Variants in SLC37A1 observed in about 807,000 individuals in gnomAD.
SLC37A1 encodes the protein solute carrier family 37 member 1.
SLC37A1 carries 49 observed loss-of-function variants against 75.3 expected under a neutral mutation model. The observed-to-expected ratio is 0.65, with a 90% confidence interval of 0.52 to 0.83. The LOEUF (loss-of-function observed/expected upper bound fraction) is 0.83. SLC37A1 is among the 40% of genes least tolerant of loss of function. The probability of loss-of-function intolerance (pLI) is 0.00; values close to 1 mark genes in which losing one functional copy is unlikely to be tolerated. For synonymous variants in SLC37A1, 268 were observed against 292.1 expected (o/e 0.92, Z 0.84); for missense variants, 566 against 695.0 (o/e 0.81, Z 2.09).
At chr21:42,563,977 T>C (rs2055903091) in intron 13 of SLC37A1, 100 bp downstream of exon 13, 1 of 1,375,602 alleles carries the variant, frequency 7.3e-7, no homozygotes, top group Admixed American at 1.9e-5. Context: ...CCCCAAGGTC[T>C]CATATCCCCT....
chr21:42,567,879 TCCC>T (rs2056020014), intron 16 of SLC37A1, among the ~76,000 whole-genome samples: 1 of 152,150 alleles, frequency 6.6e-6, no homozygotes, highest in South Asian at 2.1e-4. Flanking sequence ...TCTCCCCTCC[TCCC>T]TTCTTCCCCT....
chr21:42,534,440 T>A (rs546247155), intron 3 of SLC37A1, among the ~76,000 whole-genome samples: 1 of 152,182 alleles, frequency 6.6e-6, no homozygotes, highest in East Asian at 1.9e-4. Context: ...TCTGGTGGCA[T>A]ATGAAGATGG....
chr21:42,534,700 T>C lies in SLC37A1; in HGVS notation c.141T>C (p.Gly47=), dbSNP rs202024921. The C allele has an allele frequency of 6.2e-7, 1 of 1,609,712 alleles. No homozygotes were observed. Among genetic ancestry groups the C allele is most frequent in the Non-Finnish European group, 8.5e-7 (1 of 1,177,196 alleles). The change falls in exon 4 of 20, where the codon GGT becomes GGC. Residue 47 remains glycine, a splice_region_variant and synonymous_variant. Transcript: ENST00000352133. ...TCTGCCCTCCCATCACGTCCCAGGG[T>C]GAGCTCCACAAGTACTGCACTGCTT... ...LSRKPISIVK[G]ELHKYCTAWD...
In SLC37A1 at chr21:42,542,458, G is replaced by A. The variant is rs538286192; in HGVS notation, c.541G>A (p.Gly181Ser). The change falls in exon 7 of 20, where the codon GGC (glycine) becomes AGC (serine). Residue 181 changes from glycine (G) to serine (S), a missense_variant. Gly to Ser is a moderately conservative substitution (Grantham distance 56, BLOSUM62 0). Coordinates refer to ENST00000352133, the MANE Select transcript of SLC37A1 (RefSeq NM_001320537.2). ...CTGGCCCAGCGTCGTCACCTGCCTC[G>A]GCAACTGGTTTGGAAAAGGAAGGTG... ...TGWPSVVTCLGNWFGKGRRGL... is the reference protein window; with the variant it reads ...TGWPSVVTCLSNWFGKGRRGL... 26 of 1,614,000 alleles carry A rather than the reference G, an allele frequency of 1.6e-5. No individual in the cohort carries two copies. The highest frequency in any genetic ancestry group is 9.9e-5 in the South Asian group (9 of 91,048).
chr21:42,545,481 C>T lies in SLC37A1; in HGVS notation c.731-1622C>T, dbSNP rs368429579. Among the ~76,000 whole-genome samples, 9 of 152,184 alleles carry T rather than the reference C, an allele frequency of 5.9e-5. No homozygotes were observed. The South Asian group carries it at 1.9e-3, about 32-fold the overall frequency. On this transcript the variant is annotated intron_variant, in intron 8 of 19. Coordinates refer to ENST00000352133, the MANE Select transcript of SLC37A1 (RefSeq NM_001320537.2). This position sits in a 1 kb window ranked among gnomAD's most constrained non-coding sequence, Gnocchi z 4.0. ...TCAGATGTGCCATTCTTGCGGTCAACAGAGGATGTGGCTTTCTCTGCTGCT... is the reference window on the plus strand; with the variant it reads ...TCAGATGTGCCATTCTTGCGGTCAATAGAGGATGTGGCTTTCTCTGCTGCT...
chr21:42,568,275 A>G, intron 16 of SLC37A1, 85 bp from the exon 17 acceptor site: 2 of 1,023,544 alleles, frequency 2.0e-6, no homozygotes, highest in South Asian at 2.7e-5. Context: ...TTTGCAGAGC[A>G]GTTTGAGTAA....
rs2055459949 is a variant in SLC37A1, at chr21:42,548,070, C to G, written c.768+930C>G. ...CTTCCCTCCCTCTGGGAAAGGCTCC[C>G]CTACCCGGGCTAACATGTTAGTCAC... On this transcript the variant is annotated intron_variant, in intron 9 of 19. Coordinates refer to ENST00000352133, the MANE Select transcript of SLC37A1 (RefSeq NM_001320537.2). The surrounding 1 kb of genome is among the most constrained non-coding windows in gnomAD (Gnocchi z 5.6). Among the ~76,000 whole-genome samples the G allele has an allele frequency of 1.3e-5, 2 of 152,188 alleles. No homozygotes were observed. Among genetic ancestry groups the G allele is most frequent in the Admixed American group, 6.5e-5 (1 of 15,284 alleles).
chr21:42,526,002 G>T (rs570109710), intron 3 of SLC37A1, 145 bp downstream of exon 3: 2 of 558,708 alleles, frequency 3.6e-6, no homozygotes, highest in Non-Finnish European at 6.3e-6. Flanking sequence ...TTGGCTTTTC[G>T]GTTTCCCTTT....
chr21:42,520,632 AGGGTGTGTGTGTGCGTGTGTGT>A (rs1294020129), intron 2 of SLC37A1, among the ~76,000 whole-genome samples: 13 of 151,894 alleles, frequency 8.6e-5, no homozygotes, highest in East Asian at 1.9e-4. Flanking sequence ...GAAATAGAGA[AGGGTGTGTGTGTGCGTGTGTGT>A]GGGTGTGTGT....
chr21:42,554,702 A>G (rs984022290), intron 10 of SLC37A1, among the ~76,000 whole-genome samples: 3 of 152,218 alleles, frequency 2.0e-5, no homozygotes, highest in African/African-American at 7.2e-5. Context: ...CACCTCCCCT[A>G]TGTCACAGAT....
At chr21:42,550,590 A>C (rs1362261181) in intron 9 of SLC37A1, among the ~76,000 whole-genome samples, 1 of 151,864 alleles carries the variant, frequency 6.6e-6, no homozygotes, top group Non-Finnish European at 1.5e-5. Context: ...AAACTTCCTA[A>C]TTCATTCTAT....
chr21:42,538,599 A>G (rs1486311766), intron 5 of SLC37A1, among the ~76,000 whole-genome samples: 1 of 152,218 alleles, frequency 6.6e-6, no homozygotes, highest in African/African-American at 2.4e-5. Context: ...GCTCACGTCC[A>G]TCCGTGATAC....
intron 3 of SLC37A1, 86 bp downstream of exon 3, chr21:42,525,943 G>A (rs1042415020): frequency 7.5e-6 from 7 of 937,614 alleles, no homozygotes; most frequent in Admixed American, 3.7e-5. Flanking sequence ...GGGGATGGTA[G>A]CAGGTACATG....
intron 2 of SLC37A1, among the ~76,000 whole-genome samples, chr21:42,521,368 G>A (rs2054645227): frequency 6.6e-6 from 1 of 152,242 alleles, no homozygotes; most frequent in Admixed American, 6.5e-5. Flanking sequence ...TGGGAGGGCT[G>A]TTTGGCTTCT....
At position 42,562,161 on chromosome 21, in the gene SLC37A1, G is replaced by A. The variant is rs747532371; in HGVS notation, c.1065G>A (p.Thr355=). 20 of 1,613,934 alleles carry A rather than the reference G, an allele frequency of 1.2e-5. No individual in the cohort carries two copies. Among genetic ancestry groups the A allele is most frequent in the Admixed American group, 1.2e-4 (7 of 60,000 alleles). ...TCTTCTGGCTGCCCCTGTACATCAC[G>A]AATGTGGGTGAGTATCCACGCTAGA... is the stretch of plus-strand genomic sequence containing the variant. ...TFLFWLPLYI[T]NVDHLDAKKA... is the part of the protein sequence containing the mutation. Residue 355 remains threonine (T), a synonymous_variant, in exon 12 of 20, where the codon ACG becomes ACA. Transcript: ENST00000352133.
In SLC37A1 at chr21:42,517,494, AT is replaced by A. The variant is rs559085369; in HGVS notation, c.-178-778del. Among the ~76,000 whole-genome samples, 23 of 152,312 alleles carry A rather than the reference AT, an allele frequency of 1.5e-4. No individual in the cohort carries two copies. The East Asian group carries it at 4.0e-3, about 27-fold the overall frequency. On this transcript the variant is annotated intron_variant, in intron 1 of 19. Transcript: ENST00000352133. ...AGGGAAAAATCCTTGGAGAATGTGC[AT>A]TTTTGGAAGCTCACTTTCGAGGGAG... is the stretch of plus-strand genomic sequence containing the variant.
intron 10 of SLC37A1, among the ~76,000 whole-genome samples, 155 bp from the exon 11 acceptor site, chr21:42,558,803 C>T (rs2055752795): frequency 1.3e-5 from 2 of 152,228 alleles, no homozygotes; most frequent in Non-Finnish European, 2.9e-5. Flanking sequence ...CATTCTAACA[C>T]AGTGGCCAGG....
At chr21:42,560,910 C>T (rs1188835818) in intron 11 of SLC37A1, among the ~76,000 whole-genome samples, 11 of 152,290 alleles carry the variant, frequency 7.2e-5, no homozygotes, top group East Asian at 5.8e-4. Flanking sequence ...AGGTCCCGCT[C>T]AAGCCTCCCC....
Position 42,538,778 on chromosome 21 carries a change from C to A in SLC37A1, c.351-734C>A, listed in dbSNP as rs113231789. Among the ~76,000 whole-genome samples, 1,100 of 152,278 alleles carry A rather than the reference C, an allele frequency of 7.2e-3. 6 individuals carry two copies. The highest frequency in any genetic ancestry group is 8.9e-3 in the African/African-American group (371 of 41,526). ...CTGTGAAGCTGGAGACTTTTTACCA[C>A]CCCCCTCGAGGCTGTTTTAGTGAGG... On this transcript the variant is annotated intron_variant, in intron 5 of 19. Transcript: ENST00000352133.
Sources: allele counts gnomAD v4.1 joint callset (sites outside exome capture counted in the v4.1 genomes callset), GRCh38; gene constraint gnomAD v4.1.1; non-coding constraint Gnocchi (gnomAD v3.1); transcripts MANE v1.5; gene names NCBI Gene and HGNC (gene_info 2026-07-23, HGNC 2026-07-21).